Variants in MORC1 observed in about 807,000 individuals in gnomAD.
MORC1 encodes MORC family CW-type zinc finger protein 1.
A neutral mutation model predicts 134.9 loss-of-function variants in MORC1; 59 were observed. The ratio of observed to expected loss-of-function variants is 0.44; its 90% confidence interval spans 0.35 to 0.54. MORC1 has a LOEUF of 0.54. Ranked by LOEUF, MORC1 falls within the 20% of genes least tolerant of loss-of-function variation. The pLI is 0.00. For missense variants in MORC1, 947 were observed against 1,134.5 expected, an observed-to-expected ratio of 0.83 and a Z score of 2.37; for synonymous variants, 395 against 391.7, an observed-to-expected ratio of 1.01 and a Z score of -0.10.
Position 109,008,773 on chromosome 3 carries a change from G to A in MORC1, c.1705-1682C>T, listed in dbSNP as rs547088681. ...ACAGGATCTATGTATTTCCTACTCT[G>A]AACAGTGGCAAAATTTGTTTATTTT... On this transcript the variant is annotated intron_variant, in intron 17 of 27. Coordinates refer to ENST00000232603, the MANE Select transcript of MORC1 (RefSeq NM_014429.4). Among the ~76,000 whole-genome samples the A allele has an allele frequency of 4.6e-5, 7 of 151,896 alleles. No homozygotes were observed. In the East Asian group the frequency reaches 7.8e-4, roughly 17 times the overall value.
At chr3:109,114,473 C>T in intron 1 of MORC1, 36 bp from the exon 2 acceptor site, 1 of 1,567,460 alleles carries the variant, frequency 6.4e-7, no homozygotes, top group Non-Finnish European at 8.8e-7. Flanking sequence ...AAAAGTTAAA[C>T]CAGGTGTGTA....
intron 16 of MORC1, among the ~76,000 whole-genome samples, chr3:109,030,877 G>A (rs1949225942): frequency 6.6e-6 from 1 of 152,164 alleles, no homozygotes; most frequent in Admixed American, 6.5e-5. Flanking sequence ...AATGCTTGAA[G>A]TGATGAATAC....
intron 3 of MORC1, among the ~76,000 whole-genome samples, chr3:109,105,805 C>T (rs1160949314): frequency 6.6e-6 from 1 of 152,070 alleles, no homozygotes; most frequent in Non-Finnish European, 1.5e-5. Context: ...TGGTGATGTG[C>T]CCGCTTCTAA....
chr3:109,066,379 G>A (rs534825457), intron 9 of MORC1, among the ~76,000 whole-genome samples: 1 of 109,402 alleles, frequency 9.1e-6, no homozygotes, highest in Non-Finnish European at 2.0e-5. Context: ...TCCACCTCCT[G>A]GGTTCAAGTG....
chr3:109,109,606 T>A (rs958601866), intron 3 of MORC1, among the ~76,000 whole-genome samples: 1 of 152,174 alleles, frequency 6.6e-6, no homozygotes, highest in Non-Finnish European at 1.5e-5. Flanking sequence ...TTTTACTCTA[T>A]TGGATATGGA....
At chr3:109,061,449 T>C (rs180956520) in intron 11 of MORC1, among the ~76,000 whole-genome samples, 1 of 152,340 alleles carries the variant, frequency 6.6e-6, no homozygotes, top group African/African-American at 2.4e-5. Context: ...AGAATGTTTA[T>C]GAACTGTGTG....
intron 17 of MORC1, among the ~76,000 whole-genome samples, chr3:109,011,525 T>G (rs974545793): frequency 2.3e-5 from 3 of 129,950 alleles, no homozygotes; most frequent in African/African-American, 1.0e-4. Flanking sequence ...TTTGTTTTTG[T>G]TTTTTTTTTT....
intron 21 of MORC1, among the ~76,000 whole-genome samples, chr3:108,990,277 T>C (rs1948010316): frequency 6.6e-6 from 1 of 152,144 alleles, no homozygotes; most frequent in Non-Finnish European, 1.5e-5. Flanking sequence ...GTAATGGAAG[T>C]TCTGTGAAGA....
At chr3:109,028,015 G>A in intron 16 of MORC1, 126 bp from the exon 17 acceptor site, 1 of 1,035,072 alleles carries the variant, frequency 9.7e-7, no homozygotes, top group Non-Finnish European at 1.4e-6. Flanking sequence ...CAAATAGGAA[G>A]GAAAAGCATT....
chr3:109,117,331 C>CAAAAAA (rs202128565), intron 1 of MORC1, among the ~76,000 whole-genome samples: 1 of 113,634 alleles, frequency 8.8e-6, no homozygotes, highest in African/African-American at 3.4e-5. Context: ...CAAAAGATGT[C>CAAAAAA]AAAAAAAAAA....
At chr3:109,100,373 C>G in intron 5 of MORC1, 44 bp downstream of exon 5, 1 of 1,373,846 alleles carries the variant, frequency 7.3e-7, no homozygotes, top group Non-Finnish European at 1.0e-6. Context: ...AAACAGTGTT[C>G]CCAGTATCAA....
At chr3:109,004,999 A>C in intron 19 of MORC1, 71 bp downstream of exon 19, 2 of 1,575,002 alleles carry the variant, frequency 1.3e-6, no homozygotes, top group Non-Finnish European at 8.6e-7. Context: ...GTGAAAATGA[A>C]GCAAAACCTT....
At chr3:109,011,962 A>T (rs1245142705) in intron 17 of MORC1, among the ~76,000 whole-genome samples, 1 of 152,192 alleles carries the variant, frequency 6.6e-6, no homozygotes, top group African/African-American at 2.4e-5. Flanking sequence ...AATTTTGATG[A>T]GGTACAATTT....
chr3:109,072,839 C>A (rs78384607), intron 8 of MORC1, among the ~76,000 whole-genome samples: 4,714 of 152,190 alleles, frequency 0.031, 90 homozygotes, highest in Middle Eastern at 0.078. Flanking sequence ...TACACTTTGT[C>A]AGAAGTGTCC....
chr3:109,044,427 G>A (rs925521373), intron 14 of MORC1, among the ~76,000 whole-genome samples: 2 of 151,568 alleles, frequency 1.3e-5, no homozygotes, highest in Non-Finnish European at 2.9e-5. Flanking sequence ...GCATGGTGGC[G>A]GGCACCTGTA....
intron 17 of MORC1, among the ~76,000 whole-genome samples, chr3:109,014,905 A>G (rs1156266144): frequency 6.6e-6 from 1 of 152,148 alleles, no homozygotes; most frequent in East Asian, 1.9e-4. Context: ...TTGTTTTTTG[A>G]GACAGAGTCT....
chr3:109,053,135 G>A lies in MORC1; in HGVS notation c.1330+1593C>T, dbSNP rs144598370. Among the ~76,000 whole-genome samples, 17 of 151,908 alleles carry A rather than the reference G, an allele frequency of 1.1e-4. No individual in the cohort carries two copies. The East Asian group carries it at 3.3e-3, about 29-fold the overall frequency. On this transcript the variant is annotated intron_variant, in intron 14 of 27. Transcript: ENST00000232603. ...AAAAAAAAAAAAAAATGTTGGTCAG[G>A]CTGTGGAGAGAAAGGGACACTTACA...
At chr3:109,075,118 T>C (rs1950393250) in intron 8 of MORC1, among the ~76,000 whole-genome samples, 1 of 152,208 alleles carries the variant, frequency 6.6e-6, no homozygotes, top group African/African-American at 2.4e-5. Flanking sequence ...AAATAAGTCA[T>C]ATGGCAGTAG....
At chr3:109,089,364 AAGT>A (rs1399033256) in intron 8 of MORC1, among the ~76,000 whole-genome samples, 1 of 152,128 alleles carries the variant, frequency 6.6e-6, no homozygotes, top group Non-Finnish European at 1.5e-5. Flanking sequence ...AGGAATGCCA[AAGT>A]AGAATTACAG....
Sources: allele counts gnomAD v4.1 joint callset (sites outside exome capture counted in the v4.1 genomes callset), GRCh38; gene constraint gnomAD v4.1.1; transcripts MANE v1.5; gene names NCBI Gene and HGNC (gene_info 2026-07-23, HGNC 2026-07-21).